Variants in SLIT3 observed in about 807,000 individuals in gnomAD.
The protein encoded by SLIT3 is slit guidance ligand 3.
A neutral mutation model predicts 184.0 loss-of-function variants in SLIT3; 68 were observed. That is an observed-to-expected ratio of 0.37 (90% CI 0.30 to 0.45). SLIT3 has a LOEUF of 0.45. Ranked by LOEUF, SLIT3 falls within the 20% of genes least tolerant of loss-of-function variation. The pLI, the probability that SLIT3 is intolerant of heterozygous loss-of-function variation, is 1.00. For missense variants in SLIT3, 1,707 were observed against 2,026.0 expected (o/e 0.84, Z 3.02); for synonymous variants, 831 against 828.6 (o/e 1.00, Z -0.05).
At chr5:168,823,520 T>C (rs1017439114) in intron 6 of SLIT3, among the ~76,000 whole-genome samples, 189 bp from the exon 7 acceptor site, 2 of 152,158 alleles carry the variant, frequency 1.3e-5, no homozygotes, top group Non-Finnish European at 2.9e-5. Context: ...CTGACTTTTT[T>C]ATTCAGGTGG....
chr5:169,113,517 T>G (rs2668055), intron 4 of SLIT3, among the ~76,000 whole-genome samples: 54,796 of 151,952 alleles, frequency 0.36, 10,165 homozygotes, highest in East Asian at 0.59. Context: ...TAATGATGGC[T>G]GTACAAATGA....
Position 169,300,409 on chromosome 5 carries a change from A to G in SLIT3, c.197+104T>C. The G allele has an allele frequency of 1.5e-6, 2 of 1,312,296 alleles. No individual in the cohort carries two copies. The highest frequency in any genetic ancestry group is 2.0e-6 in the Non-Finnish European group (2 of 1,016,692). The allele number at this position is 1,312,296 out of a possible 1,614,324, so 81.3% of individuals were successfully genotyped here. ...TATCCAGGAAGGGATGAGAATAGAG[A>G]CTGCATCCAGGGAGGCCGAGGGGAA... On this transcript the variant is annotated intron_variant, in intron 1 of 35. Transcript: ENST00000519560. The surrounding 1 kb of genome is among the most constrained non-coding windows in gnomAD (Gnocchi z 4.1).
chr5:168,962,840 T>C (rs1344756482), intron 4 of SLIT3, among the ~76,000 whole-genome samples: 4 of 152,168 alleles, frequency 2.6e-5, no homozygotes, highest in African/African-American at 9.7e-5. Flanking sequence ...TCTCATTGCC[T>C]AAAATCCTCT....
At chr5:168,815,769 G>C (rs923616533) in intron 8 of SLIT3, among the ~76,000 whole-genome samples, 11 of 152,240 alleles carry the variant, frequency 7.2e-5, no homozygotes, top group Non-Finnish European at 1.6e-4. Flanking sequence ...TGTGATCTAA[G>C]AGCAGAAGAG....
At chr5:169,205,807 C>T (rs181569290) in intron 3 of SLIT3, among the ~76,000 whole-genome samples, 20 of 152,332 alleles carry the variant, frequency 1.3e-4, no homozygotes, top group Admixed American at 2.6e-4. Flanking sequence ...TCCAGAGTAT[C>T]GCAACCAGGT....
chr5:168,884,260 A>C (rs1250594329), intron 4 of SLIT3, among the ~76,000 whole-genome samples: 1 of 151,762 alleles, frequency 6.6e-6, no homozygotes, highest in African/African-American at 2.4e-5. Flanking sequence ...CTGGCCCTGC[A>C]AAACACTCAT....
chr5:169,292,667 G>A (rs2113662290), intron 1 of SLIT3, among the ~76,000 whole-genome samples: 1 of 152,332 alleles, frequency 6.6e-6, no homozygotes, highest in Admixed American at 6.5e-5. Flanking sequence ...TAAAATTGCA[G>A]AGGAAATAAA....
chr5:169,157,484 C>G (rs982835959), intron 4 of SLIT3, among the ~76,000 whole-genome samples: 2 of 152,178 alleles, frequency 1.3e-5, no homozygotes, highest in Non-Finnish European at 2.9e-5. Context: ...TCCCCTCCCC[C>G]CAGGTATCAG....
In SLIT3 at chr5:169,256,122, C is replaced by T. The variant is rs529325163; in HGVS notation, c.198-4663G>A. On this transcript the variant is annotated intron_variant, in intron 1 of 35. Coordinates refer to ENST00000519560, the MANE Select transcript of SLIT3 (RefSeq NM_003062.4). ...ACTATTTTTTTTTTATCTTTTATAC[C>T]GTATCTTTATTTTTGTGCCTTTCTT... is the stretch of plus-strand genomic sequence containing the variant. Among the ~76,000 whole-genome samples the T allele has an allele frequency of 1.5e-3, 235 of 151,872 alleles. 1 individual carries two copies. Among genetic ancestry groups the T allele is most frequent in the African/African-American group, 5.2e-3 (215 of 41,382 alleles).
rs1180574123 is a variant in SLIT3, at chr5:169,179,014, A to G, written c.413+14465T>C. ...TAGGGGTGCGGGGGCAGGATGTAGG[A>G]GAAGAACAAACAGTAGGTTGGTGGT... On this transcript the variant is annotated intron_variant, in intron 4 of 35. Transcript: ENST00000519560. 2.6e-5 allele frequency among the ~76,000 whole-genome samples: 4 copies of G among 152,208 alleles called. No individual in the cohort carries two copies. The East Asian group carries it at 7.7e-4, about 29-fold the overall frequency.
intron 1 of SLIT3, among the ~76,000 whole-genome samples, chr5:169,291,956 G>A (rs928237230): frequency 9.2e-5 from 14 of 152,170 alleles, no homozygotes; most frequent in African/African-American, 2.4e-4. Flanking sequence ...ATGACTCCAC[G>A]CATGTAAAGT....
chr5:168,887,557 C>T (rs886704116), intron 4 of SLIT3, among the ~76,000 whole-genome samples: 8 of 152,162 alleles, frequency 5.3e-5, no homozygotes, highest in African/African-American at 1.7e-4. Flanking sequence ...ACACGTAGAG[C>T]ACCGTGTGGA....
intron 5 of SLIT3, among the ~76,000 whole-genome samples, chr5:168,877,660 C>T (rs1038253305): frequency 1.3e-5 from 2 of 152,130 alleles, no homozygotes; most frequent in African/African-American, 2.4e-5. Flanking sequence ...ACGGGCGGTG[C>T]GGCAACACAG....
intron 4 of SLIT3, among the ~76,000 whole-genome samples, chr5:168,944,808 G>T (rs147364439): frequency 6.6e-6 from 1 of 152,106 alleles, no homozygotes; most frequent in Non-Finnish European, 1.5e-5. Context: ...AAGCTACTTC[G>T]TATGGTGACT....
intron 20 of SLIT3, among the ~76,000 whole-genome samples, chr5:168,745,902 C>A (rs527472278): frequency 6.6e-6 from 1 of 152,284 alleles, no homozygotes. Context: ...CCATCAACAT[C>A]AAGACAAGAC....
At chr5:168,771,604 A>G (rs948701618) in intron 14 of SLIT3, among the ~76,000 whole-genome samples, 1 of 152,210 alleles carries the variant, frequency 6.6e-6, no homozygotes, top group African/African-American at 2.4e-5. Context: ...GGCTGTTGTA[A>G]CTGACATCAT....
chr5:168,948,590 T>C (rs17070642), intron 4 of SLIT3, among the ~76,000 whole-genome samples: 3,512 of 152,274 alleles, frequency 0.023, 151 homozygotes, highest in African/African-American at 0.08. Flanking sequence ...CTTTGGTGGA[T>C]TGATTTCACT....
At chr5:169,268,795 A>G (rs1267805554) in intron 1 of SLIT3, among the ~76,000 whole-genome samples, 3 of 152,236 alleles carry the variant, frequency 2.0e-5, no homozygotes, top group African/African-American at 7.2e-5. Context: ...AATTTTTTAA[A>G]AAGTTGTACT....
intron 4 of SLIT3, among the ~76,000 whole-genome samples, chr5:169,119,608 GC>G (rs1196528941): frequency 6.6e-6 from 1 of 152,198 alleles, no homozygotes; most frequent in Non-Finnish European, 1.5e-5. Flanking sequence ...AGCAGCAGCA[GC>G]AGAGCCCTTC....
Sources: allele counts gnomAD v4.1 joint callset (sites outside exome capture counted in the v4.1 genomes callset), GRCh38; gene constraint gnomAD v4.1.1; non-coding constraint Gnocchi (gnomAD v3.1); transcripts MANE v1.5; gene names NCBI Gene and HGNC (gene_info 2026-07-23, HGNC 2026-07-21).